The following KIF21A variants were observed in gnomAD, a reference collection of about 807,000 sequenced individuals.
KIF21A encodes kinesin family member 21A.
In KIF21A, 114 loss-of-function variants were observed where a neutral mutation model predicts 202.9. That is an observed-to-expected ratio of 0.56 (90% confidence interval 0.48 to 0.66). KIF21A has a LOEUF of 0.66. Ranked by LOEUF, KIF21A falls within the 30% of genes least tolerant of loss-of-function variation. The pLI is 0.00. For synonymous variants in KIF21A, 667 were observed against 670.8 expected, an observed-to-expected ratio of 0.99 and a Z score of 0.09; for missense variants, 1,677 against 1,994.9, an observed-to-expected ratio of 0.84 and a Z score of 3.04.
intron 37 of KIF21A, among the ~76,000 whole-genome samples, chr12:39,297,520 AG>A (rs1420722085): frequency 7.1e-6 from 1 of 140,390 alleles, no homozygotes; most frequent in African/African-American, 2.6e-5. Flanking sequence ...TCTCACTCAT[AG>A]GTGGGAAGTG....
chr12:39,349,244 T>G (rs547568454), intron 11 of KIF21A, among the ~76,000 whole-genome samples: 1 of 152,222 alleles, frequency 6.6e-6, no homozygotes, highest in Admixed American at 6.6e-5. Flanking sequence ...GAATTATTCT[T>G]ACCATATTAT....
At chr12:39,364,399 C>T (rs1030760561) in intron 6 of KIF21A, among the ~76,000 whole-genome samples, 1 of 152,088 alleles carries the variant, frequency 6.6e-6, no homozygotes, top group Non-Finnish European at 1.5e-5. Context: ...TTCCTGACAA[C>T]ATAAATGTAA....
At chr12:39,392,977 T>C (rs1756448411) in intron 1 of KIF21A, among the ~76,000 whole-genome samples, 1 of 147,832 alleles carries the variant, frequency 6.8e-6, no homozygotes, top group Admixed American at 6.9e-5. Context: ...TGGGAAAATA[T>C]ATACTATAAA....
intron 1 of KIF21A, among the ~76,000 whole-genome samples, chr12:39,432,064 G>T (rs569191407): frequency 6.6e-6 from 1 of 152,150 alleles, no homozygotes; most frequent in Admixed American, 6.5e-5. Context: ...AGACCAACAC[G>T]CTACTCAAAG....
At chr12:39,353,601 G>A (rs1438365328) in intron 10 of KIF21A, among the ~76,000 whole-genome samples, 1 of 152,040 alleles carries the variant, frequency 6.6e-6, no homozygotes, top group Non-Finnish European at 1.5e-5. Context: ...AAGAATGCAT[G>A]AAAATATAAT....
At chr12:39,298,428 C>T (rs961859850) in intron 37 of KIF21A, among the ~76,000 whole-genome samples, 4 of 152,096 alleles carry the variant, frequency 2.6e-5, no homozygotes, top group Non-Finnish European at 5.9e-5. Flanking sequence ...TATTGAAAAC[C>T]TCCCAGAGTT....
At chr12:39,421,723 T>TTTTATATATATATA (rs944109985) in intron 1 of KIF21A, among the ~76,000 whole-genome samples, 1 of 135,026 alleles carries the variant, frequency 7.4e-6, no homozygotes, top group African/African-American at 2.8e-5. Context: ...TATATATAAT[T>TTTTATATATATATA]TATATATATA....
At chr12:39,350,420 A>C (rs186366194) in intron 11 of KIF21A, among the ~76,000 whole-genome samples, 1 of 152,046 alleles carries the variant, frequency 6.6e-6, no homozygotes, top group Non-Finnish European at 1.5e-5. Context: ...CTTACTTATT[A>C]TTTATGAATA....
Position 39,357,455 on chromosome 12 carries a change from T to C in KIF21A, c.1216-18A>G. On this transcript the variant is annotated intron_variant, in intron 8 of 37. Transcript: ENST00000361418. ...CTTTTACCCTAGTAAAGGAAAATAA[T>C]GTCCTTGTTGGTTGAGGAGCCTTAA... The C allele has an allele frequency of 6.2e-7, 1 of 1,605,116 alleles. No homozygotes were observed. Among genetic ancestry groups the C allele is most frequent in the South Asian group, 1.1e-5 (1 of 90,926 alleles).
chr12:39,297,371 A>C (rs973828702), intron 37 of KIF21A, among the ~76,000 whole-genome samples: 4 of 152,184 alleles, frequency 2.6e-5, no homozygotes, highest in Admixed American at 2.6e-4. Context: ...GATTAAGAAA[A>C]TGTCGCACAT....
intron 1 of KIF21A, among the ~76,000 whole-genome samples, chr12:39,415,964 G>A (rs78039352): frequency 0.016 from 2,399 of 152,230 alleles, 53 homozygotes; most frequent in African/African-American, 0.054. Flanking sequence ...TCAGTTCAAG[G>A]AAAGCTTAAT....
At chr12:39,421,667 T>C (rs973075835) in intron 1 of KIF21A, among the ~76,000 whole-genome samples, 3 of 150,472 alleles carry the variant, frequency 2.0e-5, no homozygotes, top group Non-Finnish European at 4.4e-5. Flanking sequence ...CACTCCAACC[T>C]GGGTGACAGG....
At chr12:39,348,151 A>AAT (rs1322019874) in intron 11 of KIF21A, among the ~76,000 whole-genome samples, 1 of 152,076 alleles carries the variant, frequency 6.6e-6, no homozygotes, top group Non-Finnish European at 1.5e-5. Flanking sequence ...CATTCCAATC[A>AAT]ATAGTTCAAA....
rs549118992 is a variant in KIF21A, at chr12:39,413,910, TA to T, written c.44+29016del. 5.9e-3 allele frequency among the ~76,000 whole-genome samples: 884 copies of T among 148,912 alleles called. 6 individuals carry two copies. The highest frequency in any genetic ancestry group is 0.019 in the African/African-American group (789 of 40,792). On this transcript the variant is annotated intron_variant, in intron 1 of 37. Transcript: ENST00000361418. ...GTTATCTCATAAAGTTGTTTTCCCA[TA>T]AAAAAAAAATGTAATATTTGAGGCC...
In KIF21A at chr12:39,353,566, G is replaced by T. The variant is rs1374651260; in HGVS notation, c.1470-1586C>A. Among the ~76,000 whole-genome samples the T allele has an allele frequency of 5.9e-5, 9 of 152,060 alleles. No homozygotes were observed. The South Asian group carries it at 1.0e-3, about 18-fold the overall frequency. On this transcript the variant is annotated intron_variant, in intron 10 of 37. Coordinates refer to ENST00000361418, the MANE Select transcript of KIF21A (RefSeq NM_001173464.2). ...CTATATTTTTAATTTCTAGCACAAA[G>T]CCTAGGTACCTAATAATGAATGCTA...
At chr12:39,361,916 C>A (rs1949266533) in intron 7 of KIF21A, among the ~76,000 whole-genome samples, 1 of 152,162 alleles carries the variant, frequency 6.6e-6, no homozygotes, top group Non-Finnish European at 1.5e-5. Context: ...TGTGCCCTCA[C>A]ACAAATCTCA....
intron 1 of KIF21A, among the ~76,000 whole-genome samples, chr12:39,413,282 A>C (rs1279078065): frequency 3.9e-5 from 6 of 152,176 alleles, no homozygotes; most frequent in African/African-American, 1.2e-4. Flanking sequence ...TAAACAGATA[A>C]ATTAGTAGCT....
intron 1 of KIF21A, among the ~76,000 whole-genome samples, chr12:39,399,124 C>A (rs2139815729): frequency 6.6e-6 from 1 of 152,228 alleles, no homozygotes; most frequent in African/African-American, 2.4e-5. Flanking sequence ...GAGGCTGAGG[C>A]TGCAGCATCA....
At chr12:39,441,660 T>TTAAAAAAAAAAAA (rs767481998) in intron 1 of KIF21A, among the ~76,000 whole-genome samples, 3 of 37,788 alleles carry the variant, frequency 7.9e-5, no homozygotes, top group Admixed American at 3.2e-4. Context: ...CCCTGGGTGG[T>TTAAAAAAAAAAAA]AAAAAAAAAA....
Sources: allele counts gnomAD v4.1 joint callset (sites outside exome capture counted in the v4.1 genomes callset), GRCh38; gene constraint gnomAD v4.1.1; transcripts MANE v1.5; gene names NCBI Gene and HGNC (gene_info 2026-07-23, HGNC 2026-07-21).